The following NLGN1 variants were observed in gnomAD, a reference collection of about 807,000 sequenced individuals.
NLGN1 encodes the protein neuroligin-1.
In NLGN1, 12 loss-of-function variants were observed where a neutral mutation model predicts 65.5. The observed-to-expected ratio is 0.18, with a 90% confidence interval of 0.12 to 0.30. The LOEUF (loss-of-function observed/expected upper bound fraction) is 0.30. NLGN1 is among the 10% of genes least tolerant of loss of function. NLGN1 has a pLI of 1.00. For synonymous variants in NLGN1, 350 were observed against 359.5 expected, an observed-to-expected ratio of 0.97 and a Z score of 0.30; for missense variants, 750 against 1,007.1, an observed-to-expected ratio of 0.74 and a Z score of 3.46.
At chr3:174,111,619 G>A (rs1181630128) in intron 4 of NLGN1, among the ~76,000 whole-genome samples, 1 of 151,744 alleles carries the variant, frequency 6.6e-6, no homozygotes, top group Non-Finnish European at 1.5e-5. Flanking sequence ...ATTAATACAT[G>A]TTTATGCAAT....
At chr3:173,707,092 C>G (rs1351268844) in intron 3 of NLGN1, among the ~76,000 whole-genome samples, 1 of 152,184 alleles carries the variant, frequency 6.6e-6, no homozygotes, top group Non-Finnish European at 1.5e-5. Flanking sequence ...AGGCGTATGT[C>G]AGCTTCAGGA....
intron 3 of NLGN1, among the ~76,000 whole-genome samples, chr3:173,614,293 G>A (rs927354423): frequency 1.3e-5 from 2 of 152,096 alleles, no homozygotes; most frequent in African/African-American, 4.8e-5. Flanking sequence ...CTGTCGAGTA[G>A]TAGTAACTAT....
At chr3:173,607,309 G>A (rs1423184881) in intron 3 of NLGN1, among the ~76,000 whole-genome samples, 1 of 151,786 alleles carries the variant, frequency 6.6e-6, no homozygotes, top group Admixed American at 6.6e-5. Context: ...ATCTATCAAT[G>A]CCCACTTGAG....
At chr3:173,888,586 G>A (rs1409908153) in intron 4 of NLGN1, among the ~76,000 whole-genome samples, 5 of 151,932 alleles carry the variant, frequency 3.3e-5, no homozygotes, top group Admixed American at 1.3e-4. Context: ...AAACTAAATA[G>A]CAGTGAGCAT....
rs1160281776 is a variant in NLGN1, at chr3:173,560,044, C to T, written c.-320-44235C>T. Among the ~76,000 whole-genome samples, 5 of 151,022 alleles carry T rather than the reference C, an allele frequency of 3.3e-5. No homozygotes were observed. The South Asian group carries it at 6.2e-4, about 19-fold the overall frequency. On this transcript the variant is annotated intron_variant, in intron 2 of 6. Coordinates refer to ENST00000457714, the Ensembl canonical transcript of NLGN1. Reference sequence around the variant, plus strand: ...CTGCCAGCTCCGCCTTCCGGGTTCACGCCATTCTCCTGCCTCAGCCTCCCT... The same window carrying T: ...CTGCCAGCTCCGCCTTCCGGGTTCATGCCATTCTCCTGCCTCAGCCTCCCT...
chr3:173,805,349 G>T (rs944095604), intron 3 of NLGN1, among the ~76,000 whole-genome samples: 3 of 152,072 alleles, frequency 2.0e-5, no homozygotes, highest in African/African-American at 7.2e-5. Flanking sequence ...AAGTTATTAG[G>T]CAAGGCTGAA....
chr3:173,866,888 G>C (rs551332913), intron 4 of NLGN1, among the ~76,000 whole-genome samples: 2 of 152,096 alleles, frequency 1.3e-5, no homozygotes, highest in Non-Finnish European at 2.9e-5. Flanking sequence ...CAAAGATAAA[G>C]ATGTTTCTAA....
chr3:173,919,471 T>C (rs189320603), intron 4 of NLGN1, among the ~76,000 whole-genome samples: 19 of 152,316 alleles, frequency 1.2e-4, no homozygotes, highest in Non-Finnish European at 2.4e-4. Flanking sequence ...ACACTCACTT[T>C]ATTAGGAAGG....
chr3:173,437,221 A>G (rs947680705), intron 2 of NLGN1, among the ~76,000 whole-genome samples: 1 of 152,116 alleles, frequency 6.6e-6, no homozygotes, highest in African/African-American at 2.4e-5. Flanking sequence ...CCTGCTCTTT[A>G]TCCCCTGGTT....
At chr3:174,265,545 C>T (rs921285212) in intron 4 of NLGN1, among the ~76,000 whole-genome samples, 4 of 151,824 alleles carry the variant, frequency 2.6e-5, no homozygotes, top group South Asian at 2.1e-4. Context: ...GGCTCGCACA[C>T]GGTGCGCGCA....
At chr3:173,950,750 G>A (rs113894996) in intron 4 of NLGN1, among the ~76,000 whole-genome samples, 5,675 of 151,346 alleles carry the variant, frequency 0.037, 211 homozygotes, top group African/African-American at 0.1. Flanking sequence ...CAGATGTCGC[G>A]GTGAGCCAAG....
intron 4 of NLGN1, among the ~76,000 whole-genome samples, chr3:173,866,913 A>G (rs764841077): frequency 3.3e-5 from 5 of 152,172 alleles, no homozygotes; most frequent in Non-Finnish European, 7.4e-5. Context: ...TTTATGGGGA[A>G]GAAGGGGCAA....
At chr3:173,711,132 G>T (rs562621994) in intron 3 of NLGN1, among the ~76,000 whole-genome samples, 9 of 152,300 alleles carry the variant, frequency 5.9e-5, no homozygotes, top group Non-Finnish European at 1.2e-4. Context: ...ATCAAGAGAT[G>T]CAAAATTCCT....
At chr3:174,275,794 G>GTGAT (rs1457061675) in intron 5 of NLGN1, among the ~76,000 whole-genome samples, 1 of 151,836 alleles carries the variant, frequency 6.6e-6, no homozygotes, top group Non-Finnish European at 1.5e-5. Flanking sequence ...CCTTTAAAGG[G>GTGAT]TGATTTGAAG....
intron 2 of NLGN1, among the ~76,000 whole-genome samples, chr3:173,580,800 T>C (rs1345761421): frequency 1.3e-5 from 2 of 152,050 alleles, no homozygotes. Context: ...TATCTAATAC[T>C]TGTTCAGTAT....
intron 2 of NLGN1, among the ~76,000 whole-genome samples, chr3:173,562,088 G>C (rs1298752992): frequency 1.3e-5 from 2 of 152,090 alleles, no homozygotes; most frequent in South Asian, 4.1e-4. Context: ...CAAGAATAAC[G>C]TGAGCCAAAA....
intron 4 of NLGN1, among the ~76,000 whole-genome samples, chr3:174,257,926 C>G (rs12696352): frequency 2.0e-5 from 3 of 146,868 alleles, no homozygotes; most frequent in Non-Finnish European, 3.0e-5. Flanking sequence ...ATATAAAGTT[C>G]GAAAAATAGT....
intron 4 of NLGN1, among the ~76,000 whole-genome samples, chr3:173,929,924 G>A (rs1281360113): frequency 1.3e-5 from 2 of 151,806 alleles, no homozygotes; most frequent in African/African-American, 2.4e-5. Flanking sequence ...GGCTGGTCTC[G>A]AACTCCCAAC....
chr3:173,923,570 C>T (rs531009589), intron 4 of NLGN1, among the ~76,000 whole-genome samples: 11 of 152,012 alleles, frequency 7.2e-5, no homozygotes, highest in African/African-American at 2.4e-4. Flanking sequence ...TCTTCCAAGA[C>T]AAAGAAATTT....
Sources: allele counts gnomAD v4.1 joint callset (sites outside exome capture counted in the v4.1 genomes callset), GRCh38; gene constraint gnomAD v4.1.1; transcripts MANE v1.5; gene names NCBI Gene and HGNC (gene_info 2026-07-23, HGNC 2026-07-21).